The following GPHN variants were observed in gnomAD, a reference collection of about 807,000 sequenced individuals.
The protein encoded by GPHN is gephyrin.
Under a neutral mutation model 95.5 loss-of-function variants are expected in GPHN, and 17 were observed. That is an observed-to-expected ratio of 0.18 (90% confidence interval 0.12 to 0.27). The LOEUF (loss-of-function observed/expected upper bound fraction) is 0.27, where lower values mean the gene tolerates loss of function less well. Ranked by LOEUF, GPHN falls within the 10% of genes least tolerant of loss-of-function variation. The pLI, the probability that GPHN is intolerant of heterozygous loss-of-function variation, is 1.00. For synonymous variants in GPHN, 320 were observed against 322.5 expected, an observed-to-expected ratio of 0.99 and a Z score of 0.08; for missense variants, 660 against 978.1, an observed-to-expected ratio of 0.67 and a Z score of 4.34.
At chr14:67,561,753 C>G in the GPHN span, among the ~76,000 whole-genome samples, 1 of 151,178 alleles carries the variant, frequency 6.6e-6, no homozygotes, top group African/African-American at 2.4e-5. Flanking sequence ...GTCTATGGTC[C>G]CAGCTACTCA....
At chr14:67,722,547 C>T in the GPHN span, 1 of 994,662 alleles carries the variant, frequency 1.0e-6, no homozygotes, top group Non-Finnish European at 1.6e-6. Context: ...GCAGCAGAAG[C>T]AGCCAAGAGC....
At chr14:67,496,007 C>G in the GPHN span, among the ~76,000 whole-genome samples, 1 of 152,186 alleles carries the variant, frequency 6.6e-6, no homozygotes, top group African/African-American at 2.4e-5. Flanking sequence ...ACTGTCACAG[C>G]TGTGTGTGGC....
the GPHN span, chr14:67,572,133 A>G: frequency 4.4e-6 from 7 of 1,605,246 alleles, no homozygotes; most frequent in Admixed American, 1.2e-4. Context: ...TCCCTCGGCA[A>G]GGCGTCTCCA....
chr14:66,795,017 G>A (rs994303462), intron 3 of GPHN, among the ~76,000 whole-genome samples: 54 of 152,038 alleles, frequency 3.6e-4, no homozygotes, highest in African/African-American at 1.2e-3. Flanking sequence ...TGAGGCAGGA[G>A]GATCACTTGA....
At chr14:66,833,111 G>T (rs941765505) in intron 4 of GPHN, among the ~76,000 whole-genome samples, 2 of 152,026 alleles carry the variant, frequency 1.3e-5, no homozygotes, top group South Asian at 2.1e-4. Context: ...TTCTCACATC[G>T]CTAATAAAGA....
In GPHN at chr14:66,906,094, C is replaced by T. The variant is rs138093505; in HGVS notation, c.390-9909C>T. On this transcript the variant is annotated intron_variant, in intron 5 of 22. Coordinates refer to ENST00000478722, the MANE Select transcript of GPHN (RefSeq NM_020806.5). Reference sequence around the variant, plus strand: ...TAAATGATCAGAATGCTACCCTTCTCGGGTGAGGGAGGTGAAACATGGTAT... The same window carrying T: ...TAAATGATCAGAATGCTACCCTTCTTGGGTGAGGGAGGTGAAACATGGTAT... Among the ~76,000 whole-genome samples, 491 of 151,668 alleles carry T rather than the reference C, an allele frequency of 3.2e-3. 3 individuals carry two copies. Among genetic ancestry groups the T allele is most frequent in the Non-Finnish European group, 4.2e-3 (283 of 67,938 alleles).
the GPHN span, among the ~76,000 whole-genome samples, chr14:67,201,206 A>C: frequency 2.0e-5 from 3 of 152,178 alleles, no homozygotes; most frequent in African/African-American, 7.2e-5. Context: ...AGGAGGGAGG[A>C]TTGCTTAAGC....
the GPHN span, chr14:67,589,103 T>A: frequency 6.5e-6 from 1 of 153,124 alleles, no homozygotes; most frequent in Non-Finnish European, 1.5e-5. Context: ...ATATCTTGGG[T>A]ATCTCTAAGG....
At chr14:67,206,271 G>T in the GPHN span, among the ~76,000 whole-genome samples, 1 of 152,142 alleles carries the variant, frequency 6.6e-6, no homozygotes, top group African/African-American at 2.4e-5. Flanking sequence ...GACCGAGGCG[G>T]GCAGATCACC....
intron 4 of GPHN, among the ~76,000 whole-genome samples, chr14:66,870,867 T>G (rs2063407084): frequency 6.6e-6 from 1 of 152,178 alleles, no homozygotes; most frequent in Non-Finnish European, 1.5e-5. Context: ...GGTGAACAAT[T>G]CAGATGCTTC....
At chr14:67,279,159 T>C in the GPHN span, 1 of 1,554,268 alleles carries the variant, frequency 6.4e-7, no homozygotes, top group South Asian at 1.2e-5. Context: ...GTACAGGTTT[T>C]CATAGATAAC....
intron 9 of GPHN, among the ~76,000 whole-genome samples, chr14:66,973,950 T>C (rs1021080480): frequency 6.6e-6 from 1 of 152,220 alleles, no homozygotes; most frequent in Non-Finnish European, 1.5e-5. Context: ...ACCACTGATA[T>C]AATACTCTAT....
the GPHN span, among the ~76,000 whole-genome samples, chr14:67,516,789 C>T: frequency 5.9e-5 from 9 of 152,282 alleles, no homozygotes; most frequent in East Asian, 1.7e-3. Flanking sequence ...CTGGTCAAGC[C>T]ATTTTTCTCA....
the GPHN span, among the ~76,000 whole-genome samples, chr14:67,265,429 G>A: frequency 1.1e-4 from 17 of 151,998 alleles, no homozygotes; most frequent in East Asian, 3.3e-3. Context: ...GGTGGCGTGT[G>A]CCTGTAGTCC....
the GPHN span, chr14:67,398,143 T>TCTTTTTTC: frequency 3.5e-5 from 8 of 225,790 alleles, no homozygotes; most frequent in Non-Finnish European, 6.0e-5. Flanking sequence ...TTCCTTCCGG[T>TCTTTTTTC]CTTTTTTCCT....
chr14:66,836,887 C>T, intron 4 of GPHN, among the ~76,000 whole-genome samples: 1 of 151,432 alleles, frequency 6.6e-6, no homozygotes, highest in Non-Finnish European at 1.5e-5. Context: ...ATCAAAACCA[C>T]AATGAGATAC....
intron 18 of GPHN, among the ~76,000 whole-genome samples, chr14:67,153,991 A>C (rs1461239175): frequency 6.6e-6 from 1 of 152,232 alleles, no homozygotes. Flanking sequence ...GCTATTTTTA[A>C]AAACAATTTT....
chr14:67,472,581 G>A, the GPHN span: 28 of 152,162 alleles, frequency 1.8e-4, no homozygotes, highest in African/African-American at 6.8e-4. Context: ...CGGAACAGTG[G>A]AGGGAAGGGC....
chr14:67,426,639 G>C, the GPHN span, among the ~76,000 whole-genome samples: 1 of 152,176 alleles, frequency 6.6e-6, no homozygotes, highest in Non-Finnish European at 1.5e-5. Flanking sequence ...GTAATGGCGT[G>C]ATCTTGGCTC....
Sources: gnomAD v4.1 joint callset for allele counts (sites outside exome capture counted in the v4.1 genomes callset) on GRCh38, gnomAD v4.1.1 for gene constraint, MANE v1.5 for transcripts, NCBI Gene and HGNC (gene_info 2026-07-23, HGNC 2026-07-21) for gene names.